The following SLIRP variants were observed in gnomAD, a reference collection of about 807,000 sequenced individuals.
SLIRP encodes the protein SRA stem-loop-interacting RNA-binding protein, mitochondrial.
Under a neutral mutation model 13.4 loss-of-function variants are expected in SLIRP, and 12 were observed. The ratio of observed to expected loss-of-function variants is 0.89; its 90% CI spans 0.57 to 1.45. SLIRP has a LOEUF of 1.45. SLIRP is among the 40% of genes most tolerant of loss of function. SLIRP has a pLI of 0.00. For missense variants in SLIRP, 154 were observed against 132.2 expected, an observed-to-expected ratio of 1.17 and a Z score of -0.81; for synonymous variants, 55 against 47.1, an observed-to-expected ratio of 1.17 and a Z score of -0.69.
intron 1 of SLIRP, among the ~76,000 whole-genome samples, chr14:77,709,147 G>A (rs949056019): frequency 6.6e-6 from 1 of 152,198 alleles, no homozygotes; most frequent in East Asian, 1.9e-4. Flanking sequence ...CTAGTCTACA[G>A]ATAAAGGTTG....
intron 2 of SLIRP, 55 bp downstream of exon 2, chr14:77,710,951 A>T (rs1277001137): frequency 6.9e-6 from 10 of 1,449,996 alleles, no homozygotes; most frequent in Non-Finnish European, 2.9e-6. Context: ...GGTACAAAAA[A>T]AATAGAATGA....
Position 77,717,476 on chromosome 14 carries a change from A to G in SLIRP, c.265-20A>G. Reference sequence around the variant, plus strand: ...TTGCAGACATTGCCTTTCCTCCCTTACAGTGCTTATTTTTTTAAGGTCCAG... The same window carrying G: ...TTGCAGACATTGCCTTTCCTCCCTTGCAGTGCTTATTTTTTTAAGGTCCAG... On this transcript the variant is annotated intron_variant, in intron 3 of 3. Coordinates refer to ENST00000557342, the MANE Select transcript of SLIRP (RefSeq NM_031210.6). The G allele has an allele frequency of 6.2e-7, 1 of 1,609,766 alleles. No homozygotes were observed. The highest frequency in any genetic ancestry group is 1.1e-5 in the South Asian group (1 of 90,264).
chr14:77,714,934 G>C (rs761789429), intron 2 of SLIRP, among the ~76,000 whole-genome samples: 4 of 152,186 alleles, frequency 2.6e-5, no homozygotes, highest in African/African-American at 9.7e-5. Flanking sequence ...TTCCGTATGC[G>C]ATGTATAGGT....
chr14:77,717,143 T>A (rs1355919353), intron 3 of SLIRP, among the ~76,000 whole-genome samples: 1 of 146,184 alleles, frequency 6.8e-6, no homozygotes, highest in East Asian at 2.0e-4. Flanking sequence ...CCAAACTGAT[T>A]TACTATTTTA....
chr14:77,714,068 G>A (rs1319494953), intron 2 of SLIRP, among the ~76,000 whole-genome samples: 1 of 152,050 alleles, frequency 6.6e-6, no homozygotes, highest in East Asian at 1.9e-4. Context: ...GAGTGCAGTG[G>A]CACAATCAAG....
intron 2 of SLIRP, chr14:77,711,646 C>T (rs1348234310): frequency 6.6e-6 from 1 of 152,272 alleles, no homozygotes; most frequent in Non-Finnish European, 1.5e-5. Context: ...ACCTCTGCCT[C>T]CCAGGCTTAG....
chr14:77,710,932 T>C (rs1409915196), intron 2 of SLIRP, 36 bp downstream of exon 2: 1 of 1,587,250 alleles, frequency 6.3e-7, no homozygotes, highest in African/African-American at 1.3e-5. Context: ...GAGGTGGGGA[T>C]GGCTAATGGG....
intron 2 of SLIRP, among the ~76,000 whole-genome samples, chr14:77,712,440 ATTTTTTTTT>A (rs55773743): frequency 1.1e-5 from 1 of 87,158 alleles, no homozygotes; most frequent in African/African-American, 4.9e-5. Context: ...CGACCGGCTA[ATTTTTTTTT>A]TTTTTTTTTT....
At chr14:77,710,628 A>G in intron 1 of SLIRP, 1 of 1,521,486 alleles carries the variant, frequency 6.6e-7, no homozygotes, top group Non-Finnish European at 8.8e-7. Flanking sequence ...ACTGCAGCCA[A>G]CTCAACAACT....
At chr14:77,712,096 G>A (rs176946) in intron 2 of SLIRP, 127,683 of 152,132 alleles carry the variant, frequency 0.84, 53,675 homozygotes, top group African/African-American at 0.87. Context: ...TACCACAAGC[G>A]TAATGGCTCA....
At chr14:77,712,275 C>CTT (rs35035208) in intron 2 of SLIRP, among the ~76,000 whole-genome samples, 31,891 of 137,274 alleles carry the variant, frequency 0.23, 4,378 homozygotes, top group African/African-American at 0.36. Context: ...GGCAAAATTC[C>CTT]TTTTTTTTTT....
At chr14:77,711,838 T>A (rs1479305293) in intron 2 of SLIRP, 1 of 152,502 alleles carries the variant, frequency 6.6e-6, no homozygotes, top group African/African-American at 2.4e-5. Context: ...AGATTACAGG[T>A]GTGAGCCACT....
rs1430688938 is a variant in SLIRP at position 77,710,914 on chromosome 14, G to A, written c.156+18G>A. 3 of 1,613,228 alleles carry A rather than the reference G, an allele frequency of 1.9e-6. No individual in the cohort carries two copies. The highest frequency in any genetic ancestry group is 1.7e-5 in the Admixed American group (1 of 59,988). On this transcript the variant is annotated intron_variant, in intron 2 of 3. Transcript: ENST00000557342. ...TACCTTTTGTAAGTATTAAGGAAAA[G>A]TAGGTGGGAGGTGGGGATGGCTAAT...
chr14:77,717,391 C>A, intron 3 of SLIRP, 105 bp from the exon 4 acceptor site: 1 of 925,574 alleles, frequency 1.1e-6, no homozygotes, highest in Non-Finnish European at 1.7e-6. Flanking sequence ...ATAAAAACTG[C>A]CTGGGTTATT....
intron 2 of SLIRP, among the ~76,000 whole-genome samples, chr14:77,715,418 A>G (rs1475774591): frequency 1.3e-5 from 2 of 152,034 alleles, no homozygotes; most frequent in Non-Finnish European, 2.9e-5. Flanking sequence ...CCCAGATGGG[A>G]AGATTGCTTG....
Position 77,708,300 on chromosome 14 carries a change from TG to T in SLIRP, c.97+94del, listed in dbSNP as rs1043251489. The T allele has an allele frequency of 2.3e-6, 3 of 1,314,212 alleles. No homozygotes were observed. In the African/African-American group the frequency reaches 4.3e-5, roughly 19 times the overall value. 81.4% of individuals were successfully genotyped at this position (1,314,212 alleles called of 1,614,324 possible). A position where few individuals can be genotyped will look rare whatever the true frequency, so the allele number is the denominator to read the frequency against. ...TTGCAGGGTACTTAAGTCAGCGTGG[TG>T]GCTGAATTAGGAGACTGCTCCTGAG... On this transcript the variant is annotated intron_variant, in intron 1 of 3. Coordinates refer to ENST00000557342, the MANE Select transcript of SLIRP (RefSeq NM_031210.6).
intron 3 of SLIRP, chr14:77,716,330 CAAAA>C (rs71128669): frequency 0.48 from 70,415 of 147,012 alleles, 16,634 homozygotes; most frequent in East Asian, 0.67. Flanking sequence ...AACAAACAAA[CAAAA>C]CAACAACAAA....
intron 2 of SLIRP, among the ~76,000 whole-genome samples, chr14:77,712,750 T>C (rs1373315511): frequency 1.3e-5 from 2 of 152,222 alleles, no homozygotes; most frequent in South Asian, 2.1e-4. Flanking sequence ...CCGGCCATAA[T>C]TCATCTTTAA....
chr14:77,710,710 C>A, intron 1 of SLIRP, 128 bp from the exon 2 acceptor site: 1 of 1,573,196 alleles, frequency 6.4e-7, no homozygotes. Context: ...CTTCCTAAAT[C>A]TTAAGCCTTT....
Sources: allele counts gnomAD v4.1 joint callset (sites outside exome capture counted in the v4.1 genomes callset), GRCh38; gene constraint gnomAD v4.1.1; transcripts MANE v1.5; gene names NCBI Gene and HGNC (gene_info 2026-07-23, HGNC 2026-07-21).